ABCG2: variants seen among roughly 807,000 people sequenced by gnomAD.
ABCG2 encodes the protein broad substrate specificity ATP-binding cassette transporter ABCG2.
Under a neutral mutation model 73.5 loss-of-function variants are expected in ABCG2, and 80 were observed. The ratio of observed to expected loss-of-function variants is 1.09; its 90% CI spans 0.91 to 1.31. The LOEUF (loss-of-function observed/expected upper bound fraction) is 1.31. ABCG2 is among the 50% of genes most tolerant of loss of function. ABCG2 has a pLI of 0.00. For synonymous variants in ABCG2, 269 were observed against 282.4 expected, an observed-to-expected ratio of 0.95 and a Z score of 0.48; for missense variants, 796 against 786.2, an observed-to-expected ratio of 1.01 and a Z score of -0.15.
At chr4:88,212,355 T>C (rs942854399) in intron 1 of ABCG2, among the ~76,000 whole-genome samples, 54 of 152,170 alleles carry the variant, frequency 3.5e-4, no homozygotes, top group African/African-American at 1.3e-3. Flanking sequence ...ATCTCCCGCC[T>C]GTATCAGTAA....
At chr4:88,138,076 T>C (rs1725373576) in intron 2 of ABCG2, among the ~76,000 whole-genome samples, 2 of 151,968 alleles carry the variant, frequency 1.3e-5, no homozygotes, top group South Asian at 4.2e-4. Flanking sequence ...AGCCCAGGAG[T>C]TGGAGCTTAG....
intron 13 of ABCG2, among the ~76,000 whole-genome samples, chr4:88,096,934 A>G (rs1007888009): frequency 6.6e-6 from 1 of 152,198 alleles, no homozygotes; most frequent in Admixed American, 6.6e-5. Flanking sequence ...GAGGCTTAAT[A>G]TGTGTCTTGG....
At chr4:88,143,250 TGGACTTCACAC>T (rs1438541578) in intron 1 of ABCG2, among the ~76,000 whole-genome samples, 1 of 152,158 alleles carries the variant, frequency 6.6e-6, no homozygotes, top group Non-Finnish European at 1.5e-5. Context: ...CTGTAATGTA[TGGACTTCACAC>T]CTTTACTTCA....
At chr4:88,228,637 G>C (rs1003201008) in intron 1 of ABCG2, among the ~76,000 whole-genome samples, 1 of 152,242 alleles carries the variant, frequency 6.6e-6, no homozygotes, top group Non-Finnish European at 1.5e-5. Context: ...TCTGGCAGTG[G>C]TTCTGAAAGG....
chr4:88,097,806 A>G (rs1722091376), intron 12 of ABCG2, among the ~76,000 whole-genome samples, 199 bp from the exon 13 acceptor site: 1 of 152,262 alleles, frequency 6.6e-6, no homozygotes, highest in South Asian at 2.1e-4. Flanking sequence ...TATAACACTT[A>G]TGTGCCATTA....
intron 1 of ABCG2, among the ~76,000 whole-genome samples, chr4:88,178,506 G>A (rs1237042210): frequency 1.3e-5 from 2 of 152,222 alleles, no homozygotes; most frequent in East Asian, 1.9e-4. Flanking sequence ...GTGGCTATGG[G>A]GAGGGGCTAC....
chr4:88,095,105 T>C (rs1451713906), intron 14 of ABCG2, among the ~76,000 whole-genome samples: 2 of 152,246 alleles, frequency 1.3e-5, no homozygotes, highest in African/African-American at 4.8e-5. Context: ...ACAGATAGTT[T>C]ACTTTGGAGT....
At chr4:88,104,320 G>A (rs1722632626) in intron 10 of ABCG2, among the ~76,000 whole-genome samples, 1 of 152,184 alleles carries the variant, frequency 6.6e-6, no homozygotes, top group Non-Finnish European at 1.5e-5. Context: ...GCCTCGAGCA[G>A]TTTTAAATTA....
At chr4:88,109,369 CTGAG>C (rs1214093796) in intron 9 of ABCG2, among the ~76,000 whole-genome samples, 1 of 152,182 alleles carries the variant, frequency 6.6e-6, no homozygotes, top group East Asian at 1.9e-4. Flanking sequence ...TATACTAACA[CTGAG>C]TATTATGATT....
chr4:88,217,507 C>T (rs1729856639), intron 1 of ABCG2, among the ~76,000 whole-genome samples: 1 of 152,054 alleles, frequency 6.6e-6, no homozygotes, highest in Non-Finnish European at 1.5e-5. Context: ...CTAAAAATTA[C>T]AAAAATTAGC....
upstream of ABCG2, among the ~76,000 whole-genome samples, chr4:88,162,155 C>T (rs72554047): frequency 0.048 from 7,255 of 151,520 alleles, 227 homozygotes; most frequent in Middle Eastern, 0.065. Flanking sequence ...AAGGCTGCAG[C>T]GAGCCATGAT....
rs1278453387 is a variant in ABCG2 at position 88,121,788 on chromosome 4, C to T, written c.536G>A (p.Gly179Glu). Residue 179 changes from glycine to glutamate, a missense_variant, in exon 6 of 16, where the codon GGA becomes GAA. Transcript: ENST00000237612. ...AGACACACCACGGATAAACTGAGTT[C>T]CAACCTAAATCACAAATATTATAAT... is the stretch of plus-strand genomic sequence containing the variant. Reference protein sequence around the residue: ...GLDKVADSKVGTQFIRGVSGG... With the variant: ...GLDKVADSKVETQFIRGVSGG... 1.2e-6 allele frequency: 2 copies of T among 1,612,210 alleles called. No individual in the cohort carries two copies. The highest frequency in any genetic ancestry group is 2.2e-5 in the East Asian group (1 of 44,850).
rs372490271 is a variant in ABCG2 at position 88,139,982 on chromosome 4, T to C, written c.14A>G (p.Asn5Ser). 10 of 1,613,874 alleles carry C rather than the reference T, an allele frequency of 6.2e-6. No homozygotes were observed. Among genetic ancestry groups the C allele is most frequent in the Non-Finnish European group, 8.5e-6 (10 of 1,179,976 alleles). Residue 5 changes from asparagine to serine, a missense_variant, in exon 2 of 16, where the codon AAT (asparagine) becomes AGT (serine). Asn to Ser is a conservative substitution (Grantham distance 46). Transcript: ENST00000237612. The part of the protein sequence containing the change: MSSS[N>S]VEVFIPVSQG... ...TGACACTGGGATAAAAACTTCGACA[T>C]TACTGGAAGACATCTGGAGAGTTTT... is the stretch of plus-strand genomic sequence containing the variant.
chr4:88,131,979 GT>G, intron 3 of ABCG2, 62 bp from the exon 4 acceptor site: 12 of 1,270,818 alleles, frequency 9.4e-6, no homozygotes, highest in Admixed American at 2.0e-5. Flanking sequence ...ATGTTGTGGG[GT>G]TTTTTTCCCT....
chr4:88,230,324 CATATAT>C (rs36080532), intron 1 of ABCG2, among the ~76,000 whole-genome samples: 25 of 123,364 alleles, frequency 2.0e-4, no homozygotes, highest in East Asian at 7.3e-4. Context: ...TTTTTGGCCA[CATATAT>C]ATATATATAT....
chr4:88,227,814 T>G (rs1730284630), intron 1 of ABCG2, among the ~76,000 whole-genome samples: 1 of 152,182 alleles, frequency 6.6e-6, no homozygotes, highest in South Asian at 2.1e-4. Flanking sequence ...GATTGCAAAT[T>G]ATGACATAAA....
In ABCG2 at chr4:88,092,324, C is replaced by T. The variant is rs1721690177; in HGVS notation, c.1878G>A (p.Leu626=). The T allele has an allele frequency of 6.2e-7, 1 of 1,614,006 alleles. No individual in the cohort carries two copies. Among genetic ancestry groups the T allele is most frequent in the Non-Finnish European group, 8.5e-7 (1 of 1,179,966 alleles). ...AAGCCAAGGCCACGTGATTCTTCCA[C>T]AAGCCCCAGGGTGAGAGATCGATGC... ...KQGIDLSPWG[L]WKNHVALACM... Residue 626 remains leucine (L), a synonymous_variant, in exon 16 of 16, where the codon TTG becomes TTA. Transcript: ENST00000237612.
intron 7 of ABCG2, 110 bp downstream of exon 7, chr4:88,117,999 T>A: frequency 9.4e-7 from 1 of 1,064,462 alleles, no homozygotes; most frequent in Non-Finnish European, 1.3e-6. Flanking sequence ...AGTGATAGAT[T>A]CTCATGGTAT....
At chr4:88,125,255 G>C (rs1724307735) in intron 5 of ABCG2, among the ~76,000 whole-genome samples, 1 of 150,990 alleles carries the variant, frequency 6.6e-6, no homozygotes, top group South Asian at 2.1e-4. Flanking sequence ...TCGCGCCACT[G>C]CATTCAAGCC....
Sources: allele counts gnomAD v4.1 joint callset (sites outside exome capture counted in the v4.1 genomes callset), GRCh38; gene constraint gnomAD v4.1.1; transcripts MANE v1.5; gene names NCBI Gene and HGNC (gene_info 2026-07-23, HGNC 2026-07-21).